The following FLNB variants were observed in gnomAD, a reference collection of about 807,000 sequenced individuals.
FLNB encodes filamin-B.
FLNB carries 111 observed loss-of-function variants against 250.6 expected under a neutral mutation model. The observed-to-expected ratio is 0.44, with a 90% confidence interval of 0.38 to 0.52. FLNB has a LOEUF of 0.52. FLNB is among the 20% of genes least tolerant of loss of function. FLNB has a pLI of 0.00. For missense variants in FLNB, 2,869 were observed against 3,447.8 expected, an observed-to-expected ratio of 0.83 and a Z score of 4.20; for synonymous variants, 1,302 against 1,372.1, an observed-to-expected ratio of 0.95 and a Z score of 1.13.
intron 1 of FLNB, among the ~76,000 whole-genome samples, chr3:58,059,151 CTG>C (rs1310834533): frequency 3.3e-5 from 5 of 152,100 alleles, no homozygotes; most frequent in Admixed American, 2.6e-4. Flanking sequence ...ACCCCCTTTT[CTG>C]GAAAAACCAG....
Position 58,169,107 on chromosome 3 carries a change from T to C in FLNB, c.7417+449T>C. The C allele has an allele frequency of 3.6e-6, 1 of 278,496 alleles. No individual in the cohort carries two copies. Among genetic ancestry groups the C allele is most frequent in the Non-Finnish European group, 6.9e-6 (1 of 144,382 alleles). 17.3% of individuals were successfully genotyped at this position (278,496 alleles called of 1,614,324 possible). ...TAACCACCATAAACACTGTAGTAAA[T>C]CCCTTCCACACGTCATGATTCACTG... On this transcript the variant is annotated intron_variant, in intron 44 of 45. Coordinates refer to ENST00000295956, the MANE Select transcript of FLNB (RefSeq NM_001457.4). This position sits in a 1 kb window ranked among gnomAD's most constrained non-coding sequence, Gnocchi z 4.8.
intron 41 of FLNB, among the ~76,000 whole-genome samples, chr3:58,156,291 A>G (rs896395412): frequency 2.0e-5 from 3 of 152,268 alleles, no homozygotes; most frequent in African/African-American, 7.2e-5. Flanking sequence ...ACAGAGCCAC[A>G]GTCAACAACA....
intron 1 of FLNB, among the ~76,000 whole-genome samples, chr3:58,075,460 T>C (rs2097200377): frequency 6.6e-6 from 1 of 152,094 alleles, no homozygotes; most frequent in South Asian, 2.1e-4. Flanking sequence ...CAAGATGTAG[T>C]CCAGGAACAA....
chr3:58,014,767 C>T (rs1481317936), intron 1 of FLNB, among the ~76,000 whole-genome samples: 4 of 152,124 alleles, frequency 2.6e-5, no homozygotes, highest in African/African-American at 7.2e-5. Context: ...CTTGCTCTGT[C>T]GCCCAGGTTG....
At chr3:58,060,938 G>A (rs73837279) in intron 1 of FLNB, among the ~76,000 whole-genome samples, 2,399 of 152,210 alleles carry the variant, frequency 0.016, 68 homozygotes, top group African/African-American at 0.055. Flanking sequence ...TCCTGAGGCT[G>A]GGAGATTGCT....
At chr3:58,113,565 T>G (rs1365374476) in intron 18 of FLNB, among the ~76,000 whole-genome samples, 1 of 152,204 alleles carries the variant, frequency 6.6e-6, no homozygotes, top group African/African-American at 2.4e-5. Flanking sequence ...TGTGAGAACA[T>G]CCCTGCAGTG....
At chr3:58,076,844 C>T (rs1287018118) in intron 1 of FLNB, among the ~76,000 whole-genome samples, 1 of 152,108 alleles carries the variant, frequency 6.6e-6, no homozygotes, top group South Asian at 2.1e-4. Flanking sequence ...CAGTGACATC[C>T]GTTAATGGCA....
At chr3:58,102,121 C>T (rs1266326398) in intron 8 of FLNB, 82 bp from the exon 9 acceptor site, 41 of 1,517,390 alleles carry the variant, frequency 2.7e-5, no homozygotes, top group African/African-American at 4.1e-5. Flanking sequence ...ATTTTCTTGG[C>T]GGGTGGCTCC....
intron 41 of FLNB, 36 bp from the exon 42 acceptor site, chr3:58,159,518 G>T: frequency 6.2e-7 from 1 of 1,613,068 alleles, no homozygotes; most frequent in Non-Finnish European, 8.5e-7. Flanking sequence ...CAGGAACGCC[G>T]AGGGCCATAA....
intron 1 of FLNB, among the ~76,000 whole-genome samples, chr3:58,030,773 C>T (rs1453596506): frequency 1.3e-5 from 2 of 152,104 alleles, no homozygotes; most frequent in African/African-American, 4.8e-5. Context: ...ACTCGGGTGG[C>T]TGAGGTGGGA....
rs760129569 is a variant in FLNB, at chr3:58,170,568, C to A, written c.7622-7C>A. 3.7e-6 allele frequency: 6 copies of A among 1,614,004 alleles called. No homozygotes were observed. The Admixed American group carries it at 1.0e-4, about 27-fold the overall frequency. ...TCCGGGTGGAGTAACCACCTTTTGC[C>A]TCCTAGGCTCCAACATGCTGCTGAT... On this transcript the variant is annotated splice_polypyrimidine_tract_variant and splice_region_variant and intron_variant, in intron 45 of 45. Transcript: ENST00000295956.
chr3:58,140,115 T>C (rs2097324126), intron 29 of FLNB, among the ~76,000 whole-genome samples: 1 of 152,232 alleles, frequency 6.6e-6, no homozygotes, highest in Non-Finnish European at 1.5e-5. Context: ...CTTAACTAGA[T>C]GGACTGACTG....
chr3:58,108,109 T>A (rs1304244787), intron 12 of FLNB, among the ~76,000 whole-genome samples: 1 of 151,922 alleles, frequency 6.6e-6, no homozygotes, highest in Non-Finnish European at 1.5e-5. Flanking sequence ...TGATAGCCGA[T>A]GAACAAAAAC....
chr3:58,081,720 C>CGG lies in FLNB; in HGVS notation c.735_736dup (p.Ala246GlyfsTer27). On this transcript the variant is annotated frameshift_variant, in exon 4 of 46. Coordinates refer to ENST00000295956, the MANE Select transcript of FLNB (RefSeq NM_001457.4). LOFTEE classifies it high-confidence loss of function. ...CAGTTCCCCAAAGCCAAGCTCAAGC[C>CGG]GGGGGCTCCTCTCAAACCCAAACTC... 1 of 1,614,092 alleles carries CGG rather than the reference C, an allele frequency of 6.2e-7. No individual in the cohort carries two copies. Among genetic ancestry groups the CGG allele is most frequent in the Non-Finnish European group, 8.5e-7 (1 of 1,180,008 alleles).
chr3:58,095,024 G>A, intron 5 of FLNB, 70 bp downstream of exon 5: 1 of 1,169,960 alleles, frequency 8.5e-7, no homozygotes, highest in Non-Finnish European at 1.3e-6. Context: ...ATGCGGCCAG[G>A]GACTGTGCCT....
rs536985922 is a variant in FLNB at position 58,169,119 on chromosome 3, G to A, written c.7417+461G>A. On this transcript the variant is annotated intron_variant, in intron 44 of 45. Transcript: ENST00000295956. This position sits in a 1 kb window ranked among gnomAD's most constrained non-coding sequence, Gnocchi z 4.8. ...ACACTGTAGTAAATCCCTTCCACACGTCATGATTCACTGTTACATAAAGAA... is the reference window on the plus strand; with the variant it reads ...ACACTGTAGTAAATCCCTTCCACACATCATGATTCACTGTTACATAAAGAA... 1.4e-4 allele frequency: 39 copies of A among 276,454 alleles called. No individual in the cohort carries two copies. The highest frequency in any genetic ancestry group is 6.4e-4 in the African/African-American group (29 of 45,562). 17.1% of individuals were successfully genotyped at this position (276,454 alleles called of 1,614,324 possible). A position where few individuals can be genotyped will look rare whatever the true frequency, so the allele number is the denominator to read the frequency against.
chr3:58,072,612 T>A (rs943620665), intron 1 of FLNB, among the ~76,000 whole-genome samples: 1 of 152,206 alleles, frequency 6.6e-6, no homozygotes, highest in Non-Finnish European at 1.5e-5. Flanking sequence ...CAAGTCGCCA[T>A]CTTTTTATTG....
At chr3:58,130,092 C>T (rs569504776) in intron 24 of FLNB, among the ~76,000 whole-genome samples, 4 of 152,210 alleles carry the variant, frequency 2.6e-5, no homozygotes, top group South Asian at 2.1e-4. Flanking sequence ...GCCGAGTGAC[C>T]GAGAAGGCTG....
chr3:58,118,247 G>A (rs1473577031), intron 18 of FLNB, among the ~76,000 whole-genome samples: 2 of 152,236 alleles, frequency 1.3e-5, no homozygotes, highest in African/African-American at 4.8e-5. Flanking sequence ...GGAAATGGAA[G>A]TTCAGATATT....
Sources: gnomAD v4.1 joint callset for allele counts (sites outside exome capture counted in the v4.1 genomes callset) on GRCh38, gnomAD v4.1.1 for gene constraint, Gnocchi (gnomAD v3.1) non-coding constraint, MANE v1.5 for transcripts, NCBI Gene and HGNC (gene_info 2026-07-23, HGNC 2026-07-21) for gene names.